Variants in TPST1 observed in about 807,000 individuals in gnomAD.
TPST1 encodes protein-tyrosine sulfotransferase 1.
A neutral mutation model predicts 34.8 loss-of-function variants in TPST1; 20 were observed. That is an observed-to-expected ratio of 0.57 (90% CI 0.40 to 0.84). The LOEUF (loss-of-function observed/expected upper bound fraction) is 0.84, where lower values mean the gene tolerates loss of function less well. Among genes scored for constraint, TPST1 ranks in the 40% least tolerant of loss-of-function variants. The pLI is 0.00. For synonymous variants in TPST1, 152 were observed against 159.4 expected (o/e 0.95, Z 0.35); for missense variants, 353 against 455.5 (o/e 0.78, Z 2.05).
chr7:66,202,048 AGT>A (rs1789040033), upstream of TPST1, among the ~76,000 whole-genome samples: 1 of 152,130 alleles, frequency 6.6e-6, no homozygotes, highest in African/African-American at 2.4e-5. Flanking sequence ...GAAAATAACA[AGT>A]GTGTGTGTAT....
At chr7:66,285,803 C>G (rs2115930033) in intron 2 of TPST1, among the ~76,000 whole-genome samples, 1 of 152,278 alleles carries the variant, frequency 6.6e-6, no homozygotes, top group South Asian at 2.1e-4. Context: ...ATAATCACTA[C>G]AGGCTTAGAG....
chr7:66,257,462 G>C (rs983946511), intron 2 of TPST1, among the ~76,000 whole-genome samples: 24 of 152,292 alleles, frequency 1.6e-4, no homozygotes, highest in African/African-American at 5.1e-4. Flanking sequence ...TTCCACCTCT[G>C]AGTTATTCTT....
chr7:66,353,662 T>C (rs994103190), intron 4 of TPST1, among the ~76,000 whole-genome samples: 1 of 152,198 alleles, frequency 6.6e-6, no homozygotes, highest in African/African-American at 2.4e-5. Flanking sequence ...TGGACACTCA[T>C]GGCCTGAGTG....
intron 3 of TPST1, among the ~76,000 whole-genome samples, chr7:66,328,090 G>A (rs1451447455): frequency 4.7e-5 from 6 of 126,694 alleles, no homozygotes; most frequent in Non-Finnish European, 6.3e-5. Flanking sequence ...GCATTGGTGC[G>A]ATCTCAGCTC....
chr7:66,352,453 T>C, intron 3 of TPST1, 52 bp from the exon 4 acceptor site: 3 of 1,592,504 alleles, frequency 1.9e-6, no homozygotes, highest in Non-Finnish European at 1.7e-6. Flanking sequence ...TGTCCTGCAA[T>C]GATGGGGACT....
chr7:66,267,076 T>C (rs1279079044), intron 2 of TPST1, among the ~76,000 whole-genome samples: 1 of 152,218 alleles, frequency 6.6e-6, no homozygotes, highest in African/African-American at 2.4e-5. Flanking sequence ...CTGTCAGTGT[T>C]ATTGAAATCA....
At chr7:66,220,828 T>G (rs1789528057) in intron 1 of TPST1, among the ~76,000 whole-genome samples, 1 of 152,134 alleles carries the variant, frequency 6.6e-6, no homozygotes, top group South Asian at 2.1e-4. Flanking sequence ...TAAGTATATT[T>G]GCATTTTAGA....
At chr7:66,201,862 G>A (rs199842577), upstream of TPST1, among the ~76,000 whole-genome samples, 4,221 of 129,658 alleles carry the variant, frequency 0.033, no homozygotes, top group Non-Finnish European at 0.04. Flanking sequence ...ATTAAAATAA[G>A]AAAAAAAAAA....
At chr7:66,275,902 A>G (rs778739029) in intron 2 of TPST1, among the ~76,000 whole-genome samples, 2 of 152,162 alleles carry the variant, frequency 1.3e-5, no homozygotes, top group Non-Finnish European at 2.9e-5. Flanking sequence ...ATGTGAGGTA[A>G]TGCACATGTT....
intron 1 of TPST1, among the ~76,000 whole-genome samples, chr7:66,215,215 C>T (rs973182318): frequency 9.4e-5 from 14 of 148,954 alleles, no homozygotes; most frequent in East Asian, 5.9e-4. Flanking sequence ...CCACCAAGCC[C>T]GGCTAATTTT....
intron 3 of TPST1, among the ~76,000 whole-genome samples, chr7:66,333,155 A>G (rs765017344): frequency 8.5e-5 from 13 of 152,210 alleles, no homozygotes; most frequent in Non-Finnish European, 1.6e-4. Context: ...GGCTGTTCTT[A>G]TAGTGGAATT....
In TPST1 at chr7:66,286,618, C is replaced by T. The variant is rs758311043; in HGVS notation, c.953C>T (p.Ala318Val). The part of the protein sequence containing the change: ...PDVLQDMAVI[A>V]PMLAKLGYDP... ...GTTTTACAAGACATGGCAGTGATTG[C>T]TCCTATGCTTGCCAAGCTTGGATAT... is the stretch of plus-strand genomic sequence containing the variant. The change falls in exon 3 of 6, where the codon GCT becomes GTT. Residue 318 changes from alanine to valine, a missense_variant. Transcript: ENST00000304842. The T allele has an allele frequency of 2.5e-6, 4 of 1,609,656 alleles. No homozygotes were observed. The highest frequency in any genetic ancestry group is 1.7e-6 in the Non-Finnish European group (2 of 1,177,382).
intron 5 of TPST1, among the ~76,000 whole-genome samples, chr7:66,357,475 T>G (rs537379804): frequency 1.3e-5 from 2 of 152,368 alleles, no homozygotes; most frequent in African/African-American, 4.8e-5. Flanking sequence ...TTTAATGTAT[T>G]ATGGATGGCT....
chr7:66,306,655 C>T (rs1474332163), intron 3 of TPST1, among the ~76,000 whole-genome samples: 1 of 152,136 alleles, frequency 6.6e-6, no homozygotes, highest in Admixed American at 6.6e-5. Context: ...TTACTTCCCT[C>T]CACAATCTGC....
At chr7:66,307,007 C>T (rs979529879) in intron 3 of TPST1, among the ~76,000 whole-genome samples, 5 of 152,098 alleles carry the variant, frequency 3.3e-5, no homozygotes, top group Admixed American at 6.5e-5. Flanking sequence ...TGAGCCACCG[C>T]GCCTGGCCCA....
intron 3 of TPST1, among the ~76,000 whole-genome samples, chr7:66,343,674 G>T (rs1006197039): frequency 2.0e-5 from 3 of 152,136 alleles, no homozygotes; most frequent in Non-Finnish European, 4.4e-5. Flanking sequence ...ACTTTTTACC[G>T]CAGTTTCTTC....
chr7:66,226,735 T>C (rs529453276), intron 1 of TPST1, among the ~76,000 whole-genome samples: 1 of 152,182 alleles, frequency 6.6e-6, no homozygotes, highest in African/African-American at 2.4e-5. Context: ...ATCACTCAAA[T>C]TTGTGTCCGT....
At chr7:66,334,711 AC>A (rs1406411031) in intron 3 of TPST1, among the ~76,000 whole-genome samples, 1 of 152,000 alleles carries the variant, frequency 6.6e-6, no homozygotes, top group Admixed American at 6.6e-5. Context: ...AAGTGGAGAA[AC>A]CTCCTGGGCC....
At chr7:66,323,569 G>T (rs941134733) in intron 3 of TPST1, among the ~76,000 whole-genome samples, 1 of 152,118 alleles carries the variant, frequency 6.6e-6, no homozygotes, top group Non-Finnish European at 1.5e-5. Context: ...AAATTGGGCT[G>T]CATCGAAACT....
Sources: allele counts gnomAD v4.1 joint callset (sites outside exome capture counted in the v4.1 genomes callset), GRCh38; gene constraint gnomAD v4.1.1; transcripts MANE v1.5; gene names NCBI Gene and HGNC (gene_info 2026-07-23, HGNC 2026-07-21).